ANXA4: variants seen among roughly 807,000 people sequenced by gnomAD.
The protein encoded by ANXA4 is 35-beta calcimedin.
In ANXA4, 39 loss-of-function variants were observed where a neutral mutation model predicts 49.8. That is an observed-to-expected ratio of 0.78 (90% CI 0.61 to 1.02). The LOEUF (loss-of-function observed/expected upper bound fraction) is 1.02, where lower values mean the gene tolerates loss of function less well. Ranked by LOEUF, ANXA4 falls within the 50% of genes least tolerant of loss-of-function variation. The pLI is 0.00. For missense variants in ANXA4, 360 were observed against 410.1 expected (o/e 0.88, Z 1.05); for synonymous variants, 134 against 152.5 (o/e 0.88, Z 0.89).
chr2:69,738,716 C>T (rs1670305071), upstream of ANXA4, among the ~76,000 whole-genome samples: 1 of 152,130 alleles, frequency 6.6e-6, no homozygotes, highest in Admixed American at 6.5e-5. Context: ...GAAATCTGAC[C>T]CTGAGCCTGC....
At chr2:69,796,924 C>T (rs553729521) in intron 3 of ANXA4, among the ~76,000 whole-genome samples, 30 of 152,168 alleles carry the variant, frequency 2.0e-4, no homozygotes, top group African/African-American at 6.7e-4. Flanking sequence ...GGTTGTCTCG[C>T]GGGGCAAAGA....
At chr2:69,709,717 T>C (rs1466150166) in intron 2 of ANXA4, among the ~76,000 whole-genome samples, 1 of 152,238 alleles carries the variant, frequency 6.6e-6, no homozygotes, top group Non-Finnish European at 1.5e-5. Flanking sequence ...GGAATTATAG[T>C]TCAAAGCTTT....
intron 3 of ANXA4, among the ~76,000 whole-genome samples, chr2:69,792,609 G>GTT (rs200043569): frequency 2.0e-5 from 3 of 150,630 alleles, no homozygotes; most frequent in Non-Finnish European, 4.4e-5. Flanking sequence ...GATTTTTACA[G>GTT]TTTTTTTTTA....
chr2:69,727,751 C>G (rs1401516139), intron 3 of ANXA4, among the ~76,000 whole-genome samples: 1 of 152,168 alleles, frequency 6.6e-6, no homozygotes, highest in East Asian at 1.9e-4. Context: ...TAGCTAATCT[C>G]AAAATCAAGA....
chr2:69,812,774 T>C, intron 8 of ANXA4, 65 bp downstream of exon 8: 5 of 1,407,384 alleles, frequency 3.6e-6, no homozygotes, highest in Non-Finnish European at 5.0e-6. Context: ...CAGGCCTTAG[T>C]GGGTGGATAG....
At chr2:69,740,680 C>CTTTTTTTTTTTTTT (rs3077548), upstream of ANXA4, among the ~76,000 whole-genome samples, 8 of 75,780 alleles carry the variant, frequency 1.1e-4, 2 homozygotes, top group South Asian at 8.5e-4. Context: ...CTTTCTTCCT[C>CTTTTTTTTTTTTTT]TTTTTTTTTT....
At chr2:69,649,297 A>AAT (rs546956130) in intron 1 of ANXA4, among the ~76,000 whole-genome samples, 399 of 152,262 alleles carry the variant, frequency 2.6e-3, no homozygotes, top group African/African-American at 9.2e-3. Context: ...GATAGAAGAA[A>AAT]ATAAAAATCA....
At chr2:69,675,850 T>C (rs879420777) in intron 2 of ANXA4, among the ~76,000 whole-genome samples, 90 of 151,840 alleles carry the variant, frequency 5.9e-4, no homozygotes, top group African/African-American at 1.5e-3. Context: ...GGTGAAACCC[T>C]GTCTCTACTA....
At position 69,816,198 on chromosome 2, in the gene ANXA4, A is replaced by G; in HGVS notation, c.628+4A>G. ...AACCGAAATCACCTGTTGCATGGTA[A>G]GGCACTTACTTCATTTCCCAAAGAA... On this transcript the variant is annotated splice_donor_region_variant and intron_variant, in intron 9 of 12. Coordinates refer to ENST00000394295, the MANE Select transcript of ANXA4 (RefSeq NM_001153.5). 1 of 1,613,338 alleles carries G rather than the reference A, an allele frequency of 6.2e-7. No individual in the cohort carries two copies. Among genetic ancestry groups the G allele is most frequent in the Non-Finnish European group, 8.5e-7 (1 of 1,179,256 alleles).
At chr2:69,708,479 C>A (rs1420326487) in intron 2 of ANXA4, among the ~76,000 whole-genome samples, 1 of 152,036 alleles carries the variant, frequency 6.6e-6, no homozygotes, top group African/African-American at 2.4e-5. Flanking sequence ...CCTGTGATCC[C>A]GGCTACTCGG....
At chr2:69,699,540 G>C (rs1178485103) in intron 2 of ANXA4, among the ~76,000 whole-genome samples, 3 of 152,098 alleles carry the variant, frequency 2.0e-5, no homozygotes, top group Non-Finnish European at 2.9e-5. Flanking sequence ...CTACTCAGGA[G>C]ACTGAGGAGG....
chr2:69,662,706 C>T (rs1676765966), intron 2 of ANXA4, among the ~76,000 whole-genome samples: 1 of 152,038 alleles, frequency 6.6e-6, no homozygotes, highest in Non-Finnish European at 1.5e-5. Context: ...TGCAATGAAA[C>T]TGGAGCAACC....
intron 3 of ANXA4, among the ~76,000 whole-genome samples, chr2:69,730,639 A>C (rs1007257848): frequency 4.6e-5 from 7 of 152,212 alleles, no homozygotes; most frequent in Non-Finnish European, 7.3e-5. Context: ...CTGCCTCCAC[A>C]TGGCCCCTAT....
At chr2:69,786,976 C>T (rs569796456) in intron 2 of ANXA4, among the ~76,000 whole-genome samples, 12 of 152,326 alleles carry the variant, frequency 7.9e-5, no homozygotes, top group Admixed American at 3.9e-4. Context: ...CTGCCTGCCT[C>T]AGCCTCCCAA....
intron 8 of ANXA4, among the ~76,000 whole-genome samples, chr2:69,813,741 T>C (rs1210822820): frequency 8.1e-6 from 1 of 123,908 alleles, no homozygotes; most frequent in Non-Finnish European, 1.8e-5. Flanking sequence ...CCCAGTATTC[T>C]CTCTCTCTCT....
chr2:69,745,248 G>A (rs952534931), intron 1 of ANXA4, among the ~76,000 whole-genome samples: 29 of 152,298 alleles, frequency 1.9e-4, no homozygotes, highest in African/African-American at 6.7e-4. Context: ...GGCTCTGGTT[G>A]AATTTGAGGA....
At chr2:69,709,105 T>C (rs1678595289) in intron 2 of ANXA4, among the ~76,000 whole-genome samples, 1 of 152,156 alleles carries the variant, frequency 6.6e-6, no homozygotes, top group Non-Finnish European at 1.5e-5. Context: ...GAAATTGCCT[T>C]TGTATGAGAG....
rs757498918 is a variant in ANXA4 at position 69,820,730 on chromosome 2, G to C, written c.815G>C (p.Arg272Thr). The C allele has an allele frequency of 6.2e-7, 1 of 1,614,128 alleles. No homozygotes were observed. The highest frequency in any genetic ancestry group is 8.5e-7 in the Non-Finnish European group (1 of 1,179,998). The change falls in exon 12 of 13, where the codon AGA (arginine) becomes ACA (threonine). Residue 272 changes from arginine (R) to threonine (T), a missense_variant. Physicochemically the swap from Arg to Thr is moderately conservative, Grantham distance 71. Transcript: ENST00000394295. ...GGCACCGATGATAACACCCTCATCA[G>C]AGTGATGGTTTCTCGAGCAGAAATT... ...GLGTDDNTLI[R>T]VMVSRAEIDM...
chr2:69,710,863 G>A (rs917300262), intron 2 of ANXA4, among the ~76,000 whole-genome samples: 2 of 152,182 alleles, frequency 1.3e-5, no homozygotes, highest in Non-Finnish European at 2.9e-5. Context: ...AAATGAAAAT[G>A]ATACAGCCCC....
Sources: gnomAD v4.1 joint callset for allele counts (sites outside exome capture counted in the v4.1 genomes callset) on GRCh38, gnomAD v4.1.1 for gene constraint, MANE v1.5 for transcripts, NCBI Gene and HGNC (gene_info 2026-07-23, HGNC 2026-07-21) for gene names.